FHIP2A: variants seen among roughly 807,000 people sequenced by gnomAD.
FHIP2A encodes the protein FHF complex subunit HOOK interacting protein 2A, also known as family with sequence similarity 160 member B1.
In FHIP2A, 46 loss-of-function variants were observed where a neutral mutation model predicts 93.5. The observed-to-expected ratio is 0.49, with a 90% CI of 0.39 to 0.63. The LOEUF (loss-of-function observed/expected upper bound fraction) is 0.63, where lower values mean the gene tolerates loss of function less well. Ranked by LOEUF, FHIP2A falls within the 20% of genes least tolerant of loss-of-function variation. The pLI, the probability that FHIP2A is intolerant of heterozygous loss-of-function variation, is 0.00. For missense variants in FHIP2A, 769 were observed against 909.7 expected, an observed-to-expected ratio of 0.85 and a Z score of 1.99; for synonymous variants, 332 against 326.5, an observed-to-expected ratio of 1.02 and a Z score of -0.18.
intron 16 of FHIP2A, among the ~76,000 whole-genome samples, chr10:114,879,226 T>C (rs2083904813): frequency 1.3e-5 from 2 of 152,180 alleles, no homozygotes; most frequent in African/African-American, 2.4e-5. Flanking sequence ...CAAGACTGCA[T>C]TGTGATCTGA....
chr10:114,852,341 GT>G (rs773627287), intron 13 of FHIP2A, among the ~76,000 whole-genome samples: 24 of 152,272 alleles, frequency 1.6e-4, no homozygotes, highest in Admixed American at 9.8e-4. Context: ...CCACTTAGGT[GT>G]TCTTCTAAGA....
At chr10:114,877,175 G>C (rs2083893652) in intron 16 of FHIP2A, among the ~76,000 whole-genome samples, 1 of 152,118 alleles carries the variant, frequency 6.6e-6, no homozygotes, top group South Asian at 2.1e-4. Flanking sequence ...TGTTCTTAGA[G>C]GAACAATCAA....
intron 13 of FHIP2A, among the ~76,000 whole-genome samples, chr10:114,851,018 ATCC>A (rs1455282100): frequency 6.6e-6 from 1 of 151,968 alleles, no homozygotes; most frequent in Non-Finnish European, 1.5e-5. Context: ...GGTTCAAGCA[ATCC>A]TCCTGCCTCA....
rs1379342440 is a variant in FHIP2A, at chr10:114,860,739, C to G, written c.1948-10C>G. 4 of 1,577,876 alleles carry G rather than the reference C, an allele frequency of 2.5e-6. No individual in the cohort carries two copies. In the East Asian group the frequency reaches 9.0e-5, roughly 35 times the overall value. On this transcript the variant is annotated splice_polypyrimidine_tract_variant and intron_variant, in intron 14 of 16. Transcript: ENST00000369248. The stretch of plus-strand genomic sequence containing the variant: ...TTTTAAATGTCTTTCTGTTTTTTAT[C>G]TCTCCATAGCCATATGATGTAAACT...
rs752953893 is a variant in FHIP2A, at chr10:114,855,192, C to G, written c.1804-5C>G. 6.2e-7 allele frequency: 1 copy of G among 1,600,960 alleles called. No homozygotes were observed. Among genetic ancestry groups the G allele is most frequent in the East Asian group, 2.2e-5 (1 of 44,778 alleles). On this transcript the variant is annotated splice_polypyrimidine_tract_variant and splice_region_variant and intron_variant, in intron 13 of 16. Coordinates refer to ENST00000369248, the MANE Select transcript of FHIP2A (RefSeq NM_020940.4). ...TTAATGATTCACATGCTTTTTTCCC[C>G]CTAGTTCCGAGACTACTGTGCTATC...
Position 114,863,888 on chromosome 10 carries a change from T to G in FHIP2A, c.*2348T>G. Reference sequence around the variant, plus strand: ...TGCTTCACATTTGTATCAATAAATATGCACATTTTTTAAAACTTTCTAACA... The same window carrying G: ...TGCTTCACATTTGTATCAATAAATAGGCACATTTTTTAAAACTTTCTAACA... On this transcript the variant is annotated 3_prime_UTR_variant, in exon 17 of 17. Coordinates refer to ENST00000369248, the MANE Select transcript of FHIP2A (RefSeq NM_020940.4). 1 of 1,085,318 alleles carries G rather than the reference T, an allele frequency of 9.2e-7. No individual in the cohort carries two copies. Among genetic ancestry groups the G allele is most frequent in the Non-Finnish European group, 1.1e-6 (1 of 886,920 alleles). The allele number at this position is 1,085,318 out of a possible 1,614,324, so 67.2% of individuals were successfully genotyped here. A position where few individuals can be genotyped will look rare whatever the true frequency, so the allele number is the denominator to read the frequency against.
In FHIP2A at chr10:114,862,746, A is replaced by T; in HGVS notation, c.*1206A>T. On this transcript the variant is annotated 3_prime_UTR_variant, in exon 17 of 17. Coordinates refer to ENST00000369248, the MANE Select transcript of FHIP2A (RefSeq NM_020940.4). ...ATTTTTCCTTTAAGTGATGCTGATC[A>T]CTCAAATAATGCTTTTAAGCTATTG... The T allele has an allele frequency of 2.0e-6, 2 of 985,446 alleles. No homozygotes were observed. Among genetic ancestry groups the T allele is most frequent in the Non-Finnish European group, 2.4e-6 (2 of 829,986 alleles). The allele number at this position is 985,446 out of a possible 1,614,324, so 61.0% of individuals were successfully genotyped here. A position where few individuals can be genotyped will look rare whatever the true frequency, so the allele number is the denominator to read the frequency against.
chr10:114,821,880 C>T lies in FHIP2A; in HGVS notation c.-199C>T. ...CTCCTCGCCGCCCGCCGCGTCCCGG[C>T]GCCCTCCGGAGCCGCCGAGCCGCCC... On this transcript the variant is annotated 5_prime_UTR_variant, in exon 1 of 17. Transcript: ENST00000369248. 3.4e-6 allele frequency: 1 copy of T among 290,568 alleles called. No individual in the cohort carries two copies. Among genetic ancestry groups the T allele is most frequent in the Non-Finnish European group, 6.4e-6 (1 of 156,500 alleles). The allele number at this position is 290,568 out of a possible 1,614,324, so 18.0% of individuals were successfully genotyped here.
intron 14 of FHIP2A, among the ~76,000 whole-genome samples, chr10:114,858,583 CTT>C (rs11454222): frequency 1.3e-4 from 18 of 140,596 alleles, no homozygotes; most frequent in Admixed American, 1.4e-4. Context: ...ATTTTTTCTA[CTT>C]TTTTTTTTTT....
intron 16 of FHIP2A, among the ~76,000 whole-genome samples, chr10:114,888,543 C>T (rs562582646): frequency 3.9e-5 from 6 of 152,276 alleles, no homozygotes; most frequent in African/African-American, 1.4e-4. Context: ...AGGTAGAGAG[C>T]GGTGAAGAAG....
rs1267163997 is a variant in FHIP2A, at chr10:114,861,863, A to G, written c.*323A>G. Reference sequence around the variant, plus strand: ...TATTTCCAATGTCATGACTTTGATGATATTTCTGTTATATTAATGTCCTTT... The same window carrying G: ...TATTTCCAATGTCATGACTTTGATGGTATTTCTGTTATATTAATGTCCTTT... On this transcript the variant is annotated 3_prime_UTR_variant, in exon 17 of 17. Coordinates refer to ENST00000369248, the MANE Select transcript of FHIP2A (RefSeq NM_020940.4). 9.9e-7 allele frequency: 1 copy of G among 1,010,150 alleles called. No homozygotes were observed. Among genetic ancestry groups the G allele is most frequent in the Non-Finnish European group, 1.2e-6 (1 of 845,798 alleles). The allele number at this position is 1,010,150 out of a possible 1,614,324, so 62.6% of individuals were successfully genotyped here. A position where few individuals can be genotyped will look rare whatever the true frequency, so the allele number is the denominator to read the frequency against.
intron 16 of FHIP2A, among the ~76,000 whole-genome samples, chr10:114,885,871 T>C (rs2083940522): frequency 1.3e-5 from 2 of 152,136 alleles, no homozygotes; most frequent in Admixed American, 1.3e-4. Flanking sequence ...TTTGCAACCA[T>C]GGTGAGTTAG....
At chr10:114,878,775 CAAAAAAA>C (rs71007499) in intron 16 of FHIP2A, among the ~76,000 whole-genome samples, 19,893 of 101,136 alleles carry the variant, frequency 0.2, 1,556 homozygotes, top group East Asian at 0.33. Context: ...GACTTCGCCT[CAAAAAAA>C]AAAAAAAAAA....
At chr10:114,898,475 C>T (rs1431871894) in intron 16 of FHIP2A, among the ~76,000 whole-genome samples, 1 of 152,152 alleles carries the variant, frequency 6.6e-6, no homozygotes, top group Non-Finnish European at 1.5e-5. Context: ...TGGGACAACT[C>T]AACAAACTTC....
At chr10:114,882,888 A>G (rs560874718) in intron 16 of FHIP2A, among the ~76,000 whole-genome samples, 12 of 151,886 alleles carry the variant, frequency 7.9e-5, no homozygotes, top group African/African-American at 2.7e-4. Flanking sequence ...AAAAAAAAAA[A>G]AGAAAGAAAA....
chr10:114,866,123 C>G (rs1007476391), downstream of FHIP2A, among the ~76,000 whole-genome samples: 1 of 152,034 alleles, frequency 6.6e-6, no homozygotes, highest in African/African-American at 2.4e-5. Context: ...GATGCTCTCC[C>G]TCCCCACCCC....
chr10:114,863,310 C>G lies in FHIP2A; in HGVS notation c.*1770C>G, dbSNP rs949882133. On this transcript the variant is annotated 3_prime_UTR_variant, in exon 17 of 17. Transcript: ENST00000369248. ...ACATTTACATTTCTAGATGTAGTAA[C>G]AGTCTACTTTGATATATGAGTATTT... 1 of 978,156 alleles carries G rather than the reference C, an allele frequency of 1.0e-6. No homozygotes were observed. Among genetic ancestry groups the G allele is most frequent in the African/African-American group, 1.8e-5 (1 of 57,086 alleles). The allele number at this position is 978,156 out of a possible 1,614,324, so 60.6% of individuals were successfully genotyped here. A position where few individuals can be genotyped will look rare whatever the true frequency, so the allele number is the denominator to read the frequency against.
At chr10:114,833,558 A>G (rs755521240) in intron 3 of FHIP2A, 156 bp downstream of exon 3, 11 of 660,852 alleles carry the variant, frequency 1.7e-5, no homozygotes, top group Non-Finnish European at 2.6e-5. Context: ...TGTAGCCTAT[A>G]CAAATATGTC....
intron 3 of FHIP2A, 97 bp from the exon 4 acceptor site, chr10:114,835,440 T>C (rs2083631590): frequency 1.5e-6 from 1 of 670,722 alleles, no homozygotes; most frequent in East Asian, 2.5e-5. Context: ...GTGGAATACA[T>C]TCATATACAT....
Sources: allele counts gnomAD v4.1 joint callset (sites outside exome capture counted in the v4.1 genomes callset), GRCh38; gene constraint gnomAD v4.1.1; transcripts MANE v1.5; gene names NCBI Gene and HGNC (gene_info 2026-07-23, HGNC 2026-07-21).